The following SH3BGR variants were observed in gnomAD, a reference collection of about 807,000 sequenced individuals.
SH3BGR encodes SH3 domain-binding glutamic acid-rich protein.
In SH3BGR, 29 loss-of-function variants were observed where a neutral mutation model predicts 24.5. That is an observed-to-expected ratio of 1.18 (90% CI 0.88 to 1.61). The LOEUF (loss-of-function observed/expected upper bound fraction) is 1.61, where lower values mean the gene tolerates loss of function less well. SH3BGR is among the 40% of genes most tolerant of loss of function. The pLI, the probability that SH3BGR is intolerant of heterozygous loss-of-function variation, is 0.00. For synonymous variants in SH3BGR, 55 were observed against 65.7 expected, an observed-to-expected ratio of 0.84 and a Z score of 0.79; for missense variants, 162 against 205.8, an observed-to-expected ratio of 0.79 and a Z score of 1.30.
upstream of SH3BGR, among the ~76,000 whole-genome samples, chr21:39,447,804 C>A (rs1412114980): frequency 2.0e-5 from 3 of 152,182 alleles, no homozygotes; most frequent in Non-Finnish European, 4.4e-5. Flanking sequence ...CTGGGGCCAT[C>A]TCCATCATGC....
rs566026572 is a variant in SH3BGR at position 39,508,926 on chromosome 21, T to G, written c.406-72T>G. 4 of 1,214,528 alleles carry G rather than the reference T, an allele frequency of 3.3e-6. No individual in the cohort carries two copies. In the South Asian group the frequency reaches 5.3e-5, roughly 16 times the overall value. The allele number at this position is 1,214,528 out of a possible 1,614,324, so 75.2% of individuals were successfully genotyped here. A position where few individuals can be genotyped will look rare whatever the true frequency, so the allele number is the denominator to read the frequency against. On this transcript the variant is annotated intron_variant, in intron 4 of 6. Coordinates refer to ENST00000333634, the MANE Select transcript of SH3BGR (RefSeq NM_007341.3). ...TAGCTTGTATTTTATTATAGTTTGC[T>G]TGATTTTCAGATTTGACTTTAAACG...
At chr21:39,508,516 T>C (rs2078622308) in intron 4 of SH3BGR, among the ~76,000 whole-genome samples, 1 of 152,238 alleles carries the variant, frequency 6.6e-6, no homozygotes, top group South Asian at 2.1e-4. Flanking sequence ...GATTCAGAAA[T>C]GTTATCATTT....
intron 1 of SH3BGR, among the ~76,000 whole-genome samples, chr21:39,457,414 A>G: frequency 7.0e-6 from 1 of 143,322 alleles, no homozygotes; most frequent in East Asian, 2.0e-4. Flanking sequence ...TCTTATATAT[A>G]AGATTATTAT....
rs115501311 is a variant in SH3BGR, at chr21:39,512,289, T to C, written c.*34+480T>C. The stretch of plus-strand genomic sequence containing the variant: ...AAATCACAAAGCTGGTGTTGAGTCA[T>C]GAAAGAAAATTATTGCTGCCACGGG... On this transcript the variant is annotated intron_variant, in intron 6 of 6. Transcript: ENST00000333634. Among the ~76,000 whole-genome samples, 331 of 152,248 alleles carry C rather than the reference T, an allele frequency of 2.2e-3. 1 individual carries two copies. Among genetic ancestry groups the C allele is most frequent in the African/African-American group, 7.8e-3 (324 of 41,552 alleles).
At chr21:39,482,213 A>G (rs188566766) in intron 3 of SH3BGR, among the ~76,000 whole-genome samples, 16 of 152,356 alleles carry the variant, frequency 1.1e-4, no homozygotes, top group African/African-American at 3.8e-4. Context: ...TAATATCACA[A>G]AGAAAGAATC....
At chr21:39,485,455 C>T (rs899972822) in intron 3 of SH3BGR, among the ~76,000 whole-genome samples, 1 of 151,602 alleles carries the variant, frequency 6.6e-6, no homozygotes, top group African/African-American at 2.4e-5. Context: ...TAAGAGAAAG[C>T]AAAAAGGGCT....
chr21:39,502,523 C>G (rs2078512639), intron 4 of SH3BGR, among the ~76,000 whole-genome samples: 1 of 152,178 alleles, frequency 6.6e-6, no homozygotes, highest in South Asian at 2.1e-4. Flanking sequence ...TTCGTGGGCC[C>G]ACATTTGGTT....
chr21:39,500,828 T>C (rs2078482357), intron 4 of SH3BGR, among the ~76,000 whole-genome samples: 2 of 152,000 alleles, frequency 1.3e-5, no homozygotes. Context: ...ACCCACGCTA[T>C]GGAAAAAGGG....
intron 3 of SH3BGR, among the ~76,000 whole-genome samples, chr21:39,481,294 G>A (rs2078126839): frequency 6.6e-6 from 1 of 151,982 alleles, no homozygotes; most frequent in Non-Finnish European, 1.5e-5. Flanking sequence ...GTGAGACCCT[G>A]TTCTCAAAAA....
At chr21:39,456,879 C>G (rs2077663514) in intron 1 of SH3BGR, among the ~76,000 whole-genome samples, 1 of 151,976 alleles carries the variant, frequency 6.6e-6, no homozygotes, top group African/African-American at 2.4e-5. Context: ...CAAACAGAGC[C>G]TTTAATTTAT....
intron 3 of SH3BGR, among the ~76,000 whole-genome samples, chr21:39,484,172 T>A (rs987170687): frequency 1.3e-5 from 2 of 152,160 alleles, no homozygotes; most frequent in Admixed American, 1.3e-4. Flanking sequence ...GTGGAGTGAT[T>A]TACATTTCAC....
chr21:39,485,388 AT>A (rs1406737495), intron 3 of SH3BGR, among the ~76,000 whole-genome samples: 1 of 152,200 alleles, frequency 6.6e-6, no homozygotes. Flanking sequence ...TTTACAAGTG[AT>A]TCATTTCAGC....
At chr21:39,482,393 AAAG>A (rs1452323593) in intron 3 of SH3BGR, among the ~76,000 whole-genome samples, 4 of 152,260 alleles carry the variant, frequency 2.6e-5, no homozygotes, top group Non-Finnish European at 2.9e-5. Flanking sequence ...GTTCAAGTCT[AAAG>A]AAAGTAACTG....
intron 3 of SH3BGR, among the ~76,000 whole-genome samples, chr21:39,495,732 C>A (rs969205679): frequency 3.9e-5 from 6 of 152,164 alleles, no homozygotes; most frequent in African/African-American, 1.4e-4. Flanking sequence ...ATCCTCCCAT[C>A]TAGGCCTCCA....
chr21:39,455,076 C>T (rs1248860461), intron 1 of SH3BGR, among the ~76,000 whole-genome samples: 2 of 152,192 alleles, frequency 1.3e-5, no homozygotes, highest in Non-Finnish European at 2.9e-5. Flanking sequence ...CTTTATACTA[C>T]AGTACAGTGA....
chr21:39,462,284 G>A, intron 1 of SH3BGR, 91 bp from the exon 2 acceptor site: 2 of 865,202 alleles, frequency 2.3e-6, no homozygotes, highest in South Asian at 1.6e-5. Context: ...TATTTGTGTT[G>A]TATAGTATAA....
In SH3BGR at chr21:39,515,271, C is replaced by G. The variant is rs1602194542; in HGVS notation, c.*218C>G. ...AAATGTGAAGACCGTTTATGCATAC[C>G]TTCATGTGCCTGACAGTCTTGGCTT... On this transcript the variant is annotated 3_prime_UTR_variant, in exon 7 of 7. Transcript: ENST00000333634. 3.3e-6 allele frequency: 1 copy of G among 303,086 alleles called. No homozygotes were observed. The highest frequency in any genetic ancestry group is 1.0e-4 in the East Asian group (1 of 9,674). 18.8% of individuals were successfully genotyped at this position (303,086 alleles called of 1,614,324 possible). A position where few individuals can be genotyped will look rare whatever the true frequency, so the allele number is the denominator to read the frequency against.
chr21:39,496,874 C>G (rs1187413822), intron 3 of SH3BGR, among the ~76,000 whole-genome samples: 2 of 151,978 alleles, frequency 1.3e-5, no homozygotes, highest in Admixed American at 6.5e-5. Context: ...AATGATTTAA[C>G]AATAAGGAAT....
At chr21:39,510,904 T>TCTAA (rs1425379320) in intron 5 of SH3BGR, among the ~76,000 whole-genome samples, 6 of 113,108 alleles carry the variant, frequency 5.3e-5, no homozygotes, top group African/African-American at 2.0e-4. Context: ...ATTTGATTCT[T>TCTAA]CTAACTATAT....
Sources: allele counts gnomAD v4.1 joint callset (sites outside exome capture counted in the v4.1 genomes callset), GRCh38; gene constraint gnomAD v4.1.1; transcripts MANE v1.5; gene names NCBI Gene and HGNC (gene_info 2026-07-23, HGNC 2026-07-21).